Variants in GNAQ observed in about 807,000 individuals in gnomAD.
GNAQ encodes guanine nucleotide-binding protein G(q) subunit alpha.
In GNAQ, 8 loss-of-function variants were observed where a neutral mutation model predicts 43.9. That is an observed-to-expected ratio of 0.18 (90% confidence interval 0.11 to 0.33). GNAQ has a LOEUF of 0.33. Ranked by LOEUF, GNAQ falls within the 10% of genes least tolerant of loss-of-function variation. The probability of loss-of-function intolerance (pLI) is 1.00; values close to 1 mark genes in which losing one functional copy is unlikely to be tolerated. For synonymous variants in GNAQ, 155 were observed against 170.7 expected (o/e 0.91, Z 0.71); for missense variants, 158 against 450.8 (o/e 0.35, Z 5.88).
At chr9:77,817,834 G>C (rs1301633773) in intron 2 of GNAQ, among the ~76,000 whole-genome samples, 3 of 152,160 alleles carry the variant, frequency 2.0e-5, no homozygotes, top group African/African-American at 7.2e-5. Flanking sequence ...ACGGACCAAG[G>C]AGGTCAAACG....
intron 2 of GNAQ, among the ~76,000 whole-genome samples, chr9:77,829,890 A>G (rs1173975256): frequency 6.6e-6 from 1 of 151,824 alleles, no homozygotes; most frequent in Non-Finnish European, 1.5e-5. Context: ...TAAAAAAAAG[A>G]CTCTGATGTC....
intron 2 of GNAQ, among the ~76,000 whole-genome samples, chr9:77,919,911 G>A (rs1828971132): frequency 6.6e-6 from 1 of 152,198 alleles, no homozygotes; most frequent in South Asian, 2.1e-4. Flanking sequence ...GGAGGCCGAA[G>A]CAGGCGGATC....
At chr9:77,978,472 C>T (rs1351176368) in intron 1 of GNAQ, among the ~76,000 whole-genome samples, 2 of 152,212 alleles carry the variant, frequency 1.3e-5, no homozygotes, top group African/African-American at 4.8e-5. Flanking sequence ...CTTCTGTCTG[C>T]TCTTTCACTC....
At chr9:77,836,344 T>A (rs149266852) in intron 2 of GNAQ, among the ~76,000 whole-genome samples, 99 of 152,288 alleles carry the variant, frequency 6.5e-4, no homozygotes, top group Middle Eastern at 3.4e-3. Context: ...AAGAAAGTTG[T>A]AGGATTTCTT....
chr9:77,770,210 A>T (rs1458307609), intron 5 of GNAQ, among the ~76,000 whole-genome samples: 1 of 152,208 alleles, frequency 6.6e-6, no homozygotes, highest in African/African-American at 2.4e-5. Flanking sequence ...TTAGGTTTAC[A>T]ATTATAGGGT....
intron 2 of GNAQ, among the ~76,000 whole-genome samples, chr9:77,870,574 C>T (rs1483496742): frequency 6.6e-6 from 1 of 151,956 alleles, no homozygotes; most frequent in Non-Finnish European, 1.5e-5. Context: ...GATCCGCCCG[C>T]CTTGCCTCCC....
At chr9:77,843,086 T>C (rs1827518376) in intron 2 of GNAQ, among the ~76,000 whole-genome samples, 1 of 152,206 alleles carries the variant, frequency 6.6e-6, no homozygotes, top group African/African-American at 2.4e-5. Flanking sequence ...GCCTTCTTAA[T>C]AATACAAATT....
chr9:78,009,067 G>C (rs1044296270), intron 1 of GNAQ, among the ~76,000 whole-genome samples: 1 of 152,214 alleles, frequency 6.6e-6, no homozygotes, highest in Non-Finnish European at 1.5e-5. Flanking sequence ...AGGGTAAAGG[G>C]AGATTAAATC....
At chr9:77,969,056 G>C (rs2118450383) in intron 1 of GNAQ, among the ~76,000 whole-genome samples, 1 of 152,314 alleles carries the variant, frequency 6.6e-6, no homozygotes, top group Non-Finnish European at 1.5e-5. Context: ...CTTTCTCCCT[G>C]AAGAAATTAA....
intron 1 of GNAQ, among the ~76,000 whole-genome samples, chr9:77,960,398 G>A (rs1214662333): frequency 6.6e-6 from 1 of 152,278 alleles, no homozygotes; most frequent in Non-Finnish European, 1.5e-5. Flanking sequence ...ATTAGAATTG[G>A]CTAATTTGAA....
At chr9:77,946,467 C>T (rs144095626) in intron 1 of GNAQ, among the ~76,000 whole-genome samples, 2,531 of 152,150 alleles carry the variant, frequency 0.017, 42 homozygotes, top group South Asian at 0.032. Flanking sequence ...AACACCCAGG[C>T]AAAGGAAACT....
chr9:77,914,384 C>T (rs1056012970), intron 2 of GNAQ, among the ~76,000 whole-genome samples: 2 of 152,140 alleles, frequency 1.3e-5, no homozygotes, highest in Admixed American at 1.3e-4. Flanking sequence ...AGCCAAGAGG[C>T]ACAGTGGCTC....
At chr9:77,936,625 C>G (rs1350953158) in intron 1 of GNAQ, among the ~76,000 whole-genome samples, 1 of 152,052 alleles carries the variant, frequency 6.6e-6, no homozygotes, top group African/African-American at 2.4e-5. Context: ...AATACTTTAA[C>G]AAATCAAAAA....
intron 1 of GNAQ, among the ~76,000 whole-genome samples, chr9:77,941,767 A>T (rs1200585081): frequency 2.0e-5 from 3 of 152,202 alleles, no homozygotes; most frequent in Admixed American, 2.0e-4. Context: ...GAGACTACGC[A>T]ACTAGGAGAA....
chr9:77,736,470 C>A (rs72734720), intron 5 of GNAQ, among the ~76,000 whole-genome samples: 21 of 152,150 alleles, frequency 1.4e-4, no homozygotes, highest in Admixed American at 3.3e-4. Context: ...TCTTTGCAAG[C>A]AATTATTTGA....
At chr9:77,954,887 A>G (rs941495006) in intron 1 of GNAQ, among the ~76,000 whole-genome samples, 1 of 152,190 alleles carries the variant, frequency 6.6e-6, no homozygotes. Flanking sequence ...GGAAGGCAAT[A>G]GTAGTCACCA....
chr9:77,842,611 T>G (rs2117888500), intron 2 of GNAQ, among the ~76,000 whole-genome samples: 1 of 152,304 alleles, frequency 6.6e-6, no homozygotes, highest in Non-Finnish European at 1.5e-5. Flanking sequence ...CAGGTCATCT[T>G]GCTTACAGCA....
rs555691383 is a variant in GNAQ at position 77,981,476 on chromosome 9, G to A, written c.136+49624C>T. 3.9e-5 allele frequency among the ~76,000 whole-genome samples: 6 copies of A among 152,300 alleles called. No homozygotes were observed. In the East Asian group the frequency reaches 9.7e-4, roughly 25 times the overall value. ...AAAGTCCAGTCATGCAGAAGGTGTGGAAGGCCACGGCACAGCAGGGCAAGT... is the reference window on the plus strand; with the variant it reads ...AAAGTCCAGTCATGCAGAAGGTGTGAAAGGCCACGGCACAGCAGGGCAAGT... On this transcript the variant is annotated intron_variant, in intron 1 of 6. Transcript: ENST00000286548.
chr9:77,825,851 T>G (rs1827186573), intron 2 of GNAQ, among the ~76,000 whole-genome samples: 1 of 152,128 alleles, frequency 6.6e-6, no homozygotes, highest in African/African-American at 2.4e-5. Flanking sequence ...AACTAGGACT[T>G]ATGATCAACC....
Sources: allele counts gnomAD v4.1 joint callset (sites outside exome capture counted in the v4.1 genomes callset), GRCh38; gene constraint gnomAD v4.1.1; transcripts MANE v1.5; gene names NCBI Gene and HGNC (gene_info 2026-07-23, HGNC 2026-07-21).